DNAH14: variants seen among roughly 807,000 people sequenced by gnomAD.
The protein encoded by DNAH14 is dynein axonemal heavy chain 14.
DNAH14 carries 478 observed loss-of-function variants against 520.9 expected under a neutral mutation model. The observed-to-expected ratio is 0.92, with a 90% CI of 0.85 to 0.99. The LOEUF (loss-of-function observed/expected upper bound fraction) is 0.99. Ranked by LOEUF, DNAH14 falls within the 50% of genes least tolerant of loss-of-function variation. The probability of loss-of-function intolerance (pLI) is 0.00; values close to 1 mark genes in which losing one functional copy is unlikely to be tolerated. For synonymous variants in DNAH14, 1,581 were observed against 1,757.2 expected, an observed-to-expected ratio of 0.90 and a Z score of 2.51; for missense variants, 4,831 against 5,234.5, an observed-to-expected ratio of 0.92 and a Z score of 2.38.
intron 23 of DNAH14, among the ~76,000 whole-genome samples, chr1:225,116,109 C>T (rs966108526): frequency 6.6e-6 from 1 of 152,024 alleles, no homozygotes; most frequent in Non-Finnish European, 1.5e-5. Context: ...AGACATGGAG[C>T]CATGAGCAGG....
intron 28 of DNAH14, among the ~76,000 whole-genome samples, chr1:225,143,731 CAT>C (rs1308061813): frequency 2.6e-5 from 4 of 151,296 alleles, no homozygotes; most frequent in African/African-American, 7.3e-5. Context: ...TAAAAAAAAA[CAT>C]AAAATTCTTT....
chr1:224,991,958 A>G (rs919307615), intron 8 of DNAH14, among the ~76,000 whole-genome samples: 1 of 152,180 alleles, frequency 6.6e-6, no homozygotes, highest in African/African-American at 2.4e-5. Context: ...CTGCATATGG[A>G]TGTCCAGTTT....
At chr1:225,173,314 C>G (rs1268150247) in intron 36 of DNAH14, among the ~76,000 whole-genome samples, 4 of 152,026 alleles carry the variant, frequency 2.6e-5, no homozygotes, top group Non-Finnish European at 4.4e-5. Flanking sequence ...CCATCAGAGT[C>G]AACAGGCAAC....
chr1:225,223,704 A>G (rs1351242093), intron 41 of DNAH14, among the ~76,000 whole-genome samples: 1 of 152,178 alleles, frequency 6.6e-6, no homozygotes, highest in Non-Finnish European at 1.5e-5. Flanking sequence ...TTCCCCTTGC[A>G]GAACAAGACA....
At chr1:225,291,625 A>G (rs1445173319) in intron 55 of DNAH14, among the ~76,000 whole-genome samples, 1 of 151,960 alleles carries the variant, frequency 6.6e-6, no homozygotes, top group Non-Finnish European at 1.5e-5. Flanking sequence ...GCCCAGACTC[A>G]TATGTAGTTT....
intron 66 of DNAH14, among the ~76,000 whole-genome samples, chr1:225,335,216 T>C (rs1558424696): frequency 1.4e-5 from 2 of 142,374 alleles, no homozygotes; most frequent in Non-Finnish European, 3.2e-5. Flanking sequence ...TACATGTGTG[T>C]ATATATGCAC....
chr1:224,975,469 C>T (rs1258909624), intron 8 of DNAH14, among the ~76,000 whole-genome samples: 11 of 148,594 alleles, frequency 7.4e-5, no homozygotes, highest in South Asian at 2.2e-4. Flanking sequence ...GTGTATGTGT[C>T]GAGGAATTTA....
chr1:225,117,548 TA>T (rs1483736828), intron 23 of DNAH14, 135 bp from the exon 24 acceptor site: 3 of 524,302 alleles, frequency 5.7e-6, no homozygotes, highest in Non-Finnish European at 9.8e-6. Context: ...CATGGAATGT[TA>T]TTTTAACTGA....
At chr1:225,191,781 C>T (rs972184054) in intron 37 of DNAH14, among the ~76,000 whole-genome samples, 1 of 151,772 alleles carries the variant, frequency 6.6e-6, no homozygotes, top group African/African-American at 2.4e-5. Flanking sequence ...ATTTTGGCTT[C>T]CCTGTCTTCA....
intron 36 of DNAH14, among the ~76,000 whole-genome samples, chr1:225,184,308 C>T (rs932348085): frequency 2.7e-5 from 4 of 148,466 alleles, no homozygotes; most frequent in Non-Finnish European, 4.5e-5. Flanking sequence ...TGTGATTCAC[C>T]ACATAAACAG....
At chr1:224,971,805 T>G (rs2125630827) in intron 7 of DNAH14, among the ~76,000 whole-genome samples, 1 of 152,318 alleles carries the variant, frequency 6.6e-6, no homozygotes, top group African/African-American at 2.4e-5. Flanking sequence ...GAAATGAAGC[T>G]GGTTCTGTTA....
intron 21 of DNAH14, among the ~76,000 whole-genome samples, chr1:225,096,728 T>G (rs1248353873): frequency 6.6e-6 from 1 of 152,214 alleles, no homozygotes. Context: ...TATGTGCATC[T>G]ATATGTGAAA....
At chr1:225,092,757 A>T (rs1482193392) in intron 21 of DNAH14, among the ~76,000 whole-genome samples, 3 of 152,014 alleles carry the variant, frequency 2.0e-5, no homozygotes, top group Non-Finnish European at 4.4e-5. Context: ...GAAAAAATTA[A>T]GATACATAGA....
chr1:225,305,147 A>G, intron 58 of DNAH14, 58 bp downstream of exon 58: 1 of 1,479,760 alleles, frequency 6.8e-7, no homozygotes, highest in Non-Finnish European at 8.9e-7. Context: ...TGTTTGCGAA[A>G]AGAGACACAA....
At chr1:225,262,946 G>A (rs2149781312) in intron 46 of DNAH14, among the ~76,000 whole-genome samples, 1 of 151,592 alleles carries the variant, frequency 6.6e-6, no homozygotes, top group South Asian at 2.1e-4. Context: ...GTCATCAAAT[G>A]TTAAAATGCT....
intron 77 of DNAH14, among the ~76,000 whole-genome samples, chr1:225,368,531 A>G (rs1226749797): frequency 6.6e-6 from 1 of 152,134 alleles, no homozygotes; most frequent in Non-Finnish European, 1.5e-5. Context: ...ACTATTCTCT[A>G]TATAGAACCT....
chr1:225,094,656 C>CAAAAAAAAAAAAAAAAAA, intron 21 of DNAH14, among the ~76,000 whole-genome samples: 1 of 77,822 alleles, frequency 1.3e-5, no homozygotes, highest in Non-Finnish European at 3.4e-5. Flanking sequence ...TTCTGCACAG[C>CAAAAAAAAAAAAAAAAAA]AAAAAAAAAA....
intron 23 of DNAH14, among the ~76,000 whole-genome samples, chr1:225,107,920 T>C (rs1484780788): frequency 6.6e-6 from 1 of 152,216 alleles, no homozygotes; most frequent in Non-Finnish European, 1.5e-5. Context: ...TTCATATACC[T>C]GTGTGATGGT....
At chr1:224,932,351 T>G (rs1176722902) in intron 1 of DNAH14, among the ~76,000 whole-genome samples, 1 of 152,184 alleles carries the variant, frequency 6.6e-6, no homozygotes, top group Admixed American at 6.5e-5. Context: ...ATATTATGGA[T>G]CTTGGTTCCC....
Sources: allele counts gnomAD v4.1 joint callset (sites outside exome capture counted in the v4.1 genomes callset), GRCh38; gene constraint gnomAD v4.1.1; transcripts MANE v1.5; gene names NCBI Gene and HGNC (gene_info 2026-07-23, HGNC 2026-07-21).